The following FAM193A variants were observed in gnomAD, a reference collection of about 807,000 sequenced individuals.
The protein encoded by FAM193A is family with sequence similarity 193 member A.
In FAM193A, 22 loss-of-function variants were observed where a neutral mutation model predicts 126.5. That is an observed-to-expected ratio of 0.17 (90% CI 0.12 to 0.25). The LOEUF is 0.25. Among genes scored for constraint, FAM193A ranks in the 10% least tolerant of loss-of-function variants. The probability of loss-of-function intolerance (pLI) is 1.00; values close to 1 mark genes in which losing one functional copy is unlikely to be tolerated. For synonymous variants in FAM193A, 761 were observed against 646.8 expected (o/e 1.18, Z -2.68); for missense variants, 1,675 against 1,672.8 (o/e 1.00, Z -0.02).
intron 13 of FAM193A, among the ~76,000 whole-genome samples, chr4:2,672,951 G>C (rs1713990649): frequency 6.6e-6 from 1 of 152,214 alleles, no homozygotes; most frequent in Admixed American, 6.5e-5. Context: ...CCAGTGTGAA[G>C]AGCCCATTCA....
At chr4:2,577,411 G>GTTTTTTTTTTGT (rs1175838546) in intron 1 of FAM193A, among the ~76,000 whole-genome samples, 8 of 101,860 alleles carry the variant, frequency 7.9e-5, no homozygotes, top group South Asian at 3.1e-4. Flanking sequence ...AATTAAAGTG[G>GTTTTTTTTTTGT]TTTTTTTTTT....
chr4:2,674,409 C>CA (rs774793168), intron 13 of FAM193A, among the ~76,000 whole-genome samples: 16 of 152,192 alleles, frequency 1.1e-4, no homozygotes, highest in Non-Finnish European at 2.2e-4. Context: ...CAGAATTGCA[C>CA]AAATTTCAGT....
chr4:2,614,335 A>G (rs548811066), intron 2 of FAM193A, among the ~76,000 whole-genome samples: 3 of 152,350 alleles, frequency 2.0e-5, no homozygotes, highest in South Asian at 4.1e-4. Context: ...TTATGAATAG[A>G]TACTGAATTT....
intron 1 of FAM193A, among the ~76,000 whole-genome samples, chr4:2,553,716 C>A (rs971820262): frequency 4.6e-5 from 7 of 152,032 alleles, no homozygotes; most frequent in African/African-American, 1.7e-4. Context: ...GGCTATGTTC[C>A]CACCCAAATC....
chr4:2,594,814 C>CT (rs1740762170), intron 1 of FAM193A, among the ~76,000 whole-genome samples: 1 of 91,002 alleles, frequency 1.1e-5, no homozygotes, highest in African/African-American at 4.7e-5. Flanking sequence ...TTTTTCTTTT[C>CT]TTTTCCTTTT....
intron 7 of FAM193A, among the ~76,000 whole-genome samples, chr4:2,648,034 G>A (rs576955596): frequency 3.6e-4 from 55 of 152,078 alleles, no homozygotes; most frequent in Non-Finnish European, 7.1e-4. Flanking sequence ...GCTACAGGCC[G>A]TGTTTTCTGT....
At chr4:2,557,178 T>A (rs555999829) in intron 1 of FAM193A, among the ~76,000 whole-genome samples, 22 of 152,286 alleles carry the variant, frequency 1.4e-4, no homozygotes, top group African/African-American at 4.8e-4. Flanking sequence ...TCACAATACA[T>A]TGTAATAAAA....
intron 12 of FAM193A, among the ~76,000 whole-genome samples, chr4:2,668,213 CTTT>C (rs71644347): frequency 8.7e-5 from 12 of 137,546 alleles, no homozygotes; most frequent in African/African-American, 5.4e-5. Flanking sequence ...CAATATGCAT[CTTT>C]TTTTTTTTTT....
At chr4:2,632,506 C>G (rs1320279776) in intron 5 of FAM193A, among the ~76,000 whole-genome samples, 3 of 152,052 alleles carry the variant, frequency 2.0e-5, no homozygotes, top group African/African-American at 7.2e-5. Context: ...CTGTGGTGAG[C>G]CAGTGTACTC....
chr4:2,605,759 G>T (rs1163342815), intron 2 of FAM193A, among the ~76,000 whole-genome samples: 1 of 152,068 alleles, frequency 6.6e-6, no homozygotes, highest in African/African-American at 2.4e-5. Context: ...ATCACCTGAG[G>T]TCAGGAGTTC....
chr4:2,580,674 C>A (rs1354459186), intron 1 of FAM193A, among the ~76,000 whole-genome samples: 4 of 152,222 alleles, frequency 2.6e-5, no homozygotes, highest in Admixed American at 2.6e-4. Flanking sequence ...CCCTCTATCT[C>A]TGGCTCCTCA....
At chr4:2,583,630 G>A (rs1272184052) in intron 1 of FAM193A, among the ~76,000 whole-genome samples, 1 of 152,120 alleles carries the variant, frequency 6.6e-6, no homozygotes, top group Non-Finnish European at 1.5e-5. Context: ...AGTAATGCAG[G>A]CTTTCCCAGT....
chr4:2,639,874 C>T lies in FAM193A; in HGVS notation c.1163+15C>T, dbSNP rs758943724. On this transcript the variant is annotated intron_variant, in intron 6 of 20. Coordinates refer to ENST00000637812, the MANE Select transcript of FAM193A (RefSeq NM_001366318.2). ...TCACAGATCAGGTATTTTGCCTTAA[C>T]CCGTATGTGTCTTTGTGGTGTGACA... The T allele has an allele frequency of 2.5e-6, 4 of 1,611,710 alleles. No individual in the cohort carries two copies. The African/African-American group carries it at 5.3e-5, about 22-fold the overall frequency.
At chr4:2,554,853 A>G (rs969052983) in intron 1 of FAM193A, among the ~76,000 whole-genome samples, 1 of 152,146 alleles carries the variant, frequency 6.6e-6, no homozygotes, top group Non-Finnish European at 1.5e-5. Flanking sequence ...GCTTGTCTCT[A>G]AAGTCGCTTT....
At chr4:2,605,640 G>GT (rs140672421) in intron 2 of FAM193A, among the ~76,000 whole-genome samples, 3,692 of 152,260 alleles carry the variant, frequency 0.024, 74 homozygotes, top group Non-Finnish European at 0.041. Flanking sequence ...TCAGTAGCAT[G>GT]TTTTTAAATG....
intron 6 of FAM193A, among the ~76,000 whole-genome samples, chr4:2,642,864 C>T (rs527360019): frequency 9.2e-4 from 140 of 151,992 alleles, no homozygotes; most frequent in African/African-American, 3.3e-3. Context: ...TCCCGAGTAG[C>T]TGGGACTACA....
At chr4:2,579,313 G>A (rs889979204) in intron 1 of FAM193A, among the ~76,000 whole-genome samples, 10 of 151,722 alleles carry the variant, frequency 6.6e-5, no homozygotes, top group African/African-American at 2.2e-4. Flanking sequence ...TGGCCAACAT[G>A]GTGAAACCCC....
intron 1 of FAM193A, among the ~76,000 whole-genome samples, chr4:2,584,983 T>C (rs1179362474): frequency 2.6e-5 from 4 of 151,996 alleles, no homozygotes; most frequent in Non-Finnish European, 4.4e-5. Flanking sequence ...GTTTTGCCTG[T>C]TTTTGTACCT....
chr4:2,617,184 A>T (rs867418372), intron 2 of FAM193A, among the ~76,000 whole-genome samples: 14 of 105,222 alleles, frequency 1.3e-4, no homozygotes, highest in South Asian at 9.5e-4. Context: ...AAAAAAAATT[A>T]AAAAAAAAAA....
Sources: gnomAD v4.1 joint callset for allele counts (sites outside exome capture counted in the v4.1 genomes callset) on GRCh38, gnomAD v4.1.1 for gene constraint, MANE v1.5 for transcripts, NCBI Gene and HGNC (gene_info 2026-07-23, HGNC 2026-07-21) for gene names.